Variants in TNNI3K observed in about 807,000 individuals in gnomAD.
The protein encoded by TNNI3K is TNNI3 interacting kinase.
Under a neutral mutation model 114.5 loss-of-function variants are expected in TNNI3K, and 140 were observed. The observed-to-expected ratio is 1.22, with a 90% CI of 1.07 to 1.41. TNNI3K has a LOEUF of 1.41. Among genes scored for constraint, TNNI3K ranks in the 40% most tolerant of loss-of-function variants. The pLI is 0.00. For synonymous variants in TNNI3K, 347 were observed against 347.5 expected, an observed-to-expected ratio of 1.00 and a Z score of 0.02; for missense variants, 1,125 against 1,007.6, an observed-to-expected ratio of 1.12 and a Z score of -1.58.
At chr1:74,503,384 TA>T (rs1481186423) in intron 23 of TNNI3K, among the ~76,000 whole-genome samples, 67 of 152,244 alleles carry the variant, frequency 4.4e-4, no homozygotes, top group Non-Finnish European at 8.8e-5. Context: ...TGAAATATGA[TA>T]TCTATAGAAT....
chr1:74,371,801 A>C (rs947826944), intron 17 of TNNI3K: 1 of 151,738 alleles, frequency 6.6e-6, no homozygotes, highest in South Asian at 2.1e-4. Context: ...TGAAAATCAC[A>C]AATTTGGAGC....
At position 74,464,645 on chromosome 1, in the gene TNNI3K, G is replaced by A. The variant is rs767063440; in HGVS notation, c.2121+1095G>A. 6 of 1,588,714 alleles carry A rather than the reference G, an allele frequency of 3.8e-6. No homozygotes were observed. The East Asian group carries it at 1.1e-4, about 30-fold the overall frequency. On this transcript the variant is annotated intron_variant, in intron 21 of 24. Transcript: ENST00000326637. ...ATTCTTTTCCTAAAGGCAAAATCCA[G>A]ACCAAGTCATTACCCAGTCTCATCT...
intron 17 of TNNI3K, among the ~76,000 whole-genome samples, chr1:74,396,416 A>C (rs1406025039): frequency 2.6e-5 from 4 of 152,244 alleles, no homozygotes; most frequent in African/African-American, 9.6e-5. Context: ...TACTGAGGTT[A>C]GGAATTTTAA....
At chr1:74,390,537 G>A (rs1335791242) in intron 17 of TNNI3K, among the ~76,000 whole-genome samples, 5 of 152,024 alleles carry the variant, frequency 3.3e-5, no homozygotes, top group African/African-American at 9.7e-5. Flanking sequence ...GTATTTTAAC[G>A]TTTCTTTTTT....
chr1:74,250,891 C>A, intron 4 of TNNI3K, 122 bp downstream of exon 4: 1 of 796,440 alleles, frequency 1.3e-6, no homozygotes, highest in Non-Finnish European at 1.8e-6. Flanking sequence ...AGAGGCGTTA[C>A]ATTACTAAAG....
chr1:74,452,961 G>A (rs1345086329), intron 20 of TNNI3K, among the ~76,000 whole-genome samples: 1 of 152,074 alleles, frequency 6.6e-6, no homozygotes, highest in Non-Finnish European at 1.5e-5. Context: ...TTAGGTCTTA[G>A]TCTAAATATA....
chr1:74,475,839 A>G lies in TNNI3K; in HGVS notation c.2121+12289A>G, dbSNP rs1668178605. On this transcript the variant is annotated intron_variant, in intron 21 of 24. Coordinates refer to ENST00000326637, the MANE Select transcript of TNNI3K (RefSeq NM_015978.3). ...TGACAAATAGAGAGACCATTAAAAG[A>G]TAACATCTTGGGAAGAAACACATAA... is the stretch of plus-strand genomic sequence containing the variant. The G allele has an allele frequency of 9.1e-6, 5 of 547,380 alleles. 1 individual carries two copies. The South Asian group carries it at 1.6e-4, about 18-fold the overall frequency. 33.9% of individuals were successfully genotyped at this position (547,380 alleles called of 1,614,324 possible). A position where few individuals can be genotyped will look rare whatever the true frequency, so the allele number is the denominator to read the frequency against.
intron 17 of TNNI3K, among the ~76,000 whole-genome samples, chr1:74,430,440 G>T (rs1471257567): frequency 6.6e-6 from 1 of 151,954 alleles, no homozygotes; most frequent in Non-Finnish European, 1.5e-5. Context: ...GAAAACATAA[G>T]ATTTAAACAC....
At position 74,256,253 on chromosome 1, in the gene TNNI3K, A is replaced by G. The variant is rs927647773; in HGVS notation, c.333+5484A>G. Among the ~76,000 whole-genome samples, 5 of 115,964 alleles carry G rather than the reference A, an allele frequency of 4.3e-5. No homozygotes were observed. The South Asian group carries it at 1.5e-3, about 35-fold the overall frequency. The allele number at this position is 115,964 out of a possible 152,430, so 76.1% of individuals were successfully genotyped here. On this transcript the variant is annotated intron_variant, in intron 4 of 24. Coordinates refer to ENST00000326637, the MANE Select transcript of TNNI3K (RefSeq NM_015978.3). ...AAGGTATGAGAGCTGTAGTTTTTTC[A>G]CATCCTTTCCGGCACTTGGTGTGGT... is the stretch of plus-strand genomic sequence containing the variant.
intron 20 of TNNI3K, among the ~76,000 whole-genome samples, chr1:74,451,691 C>CT (rs1553148035): frequency 0.097 from 3,092 of 32,006 alleles, 70 homozygotes; most frequent in Middle Eastern, 0.15. Context: ...TCTTTTCTTT[C>CT]TTTCTTTCTT....
At chr1:74,276,243 C>G (rs147738463) in intron 5 of TNNI3K, among the ~76,000 whole-genome samples, 4 of 151,800 alleles carry the variant, frequency 2.6e-5, no homozygotes, top group African/African-American at 9.7e-5. Flanking sequence ...TTGGGTTTAA[C>G]GTAAATTTTT....
intron 5 of TNNI3K, among the ~76,000 whole-genome samples, chr1:74,292,694 A>G (rs1473839091): frequency 6.6e-6 from 1 of 151,604 alleles, no homozygotes; most frequent in Non-Finnish European, 1.5e-5. Context: ...TACACAGCTT[A>G]TAGGTACAAA....
chr1:74,536,893 C>T (rs1474204958), intron 23 of TNNI3K, among the ~76,000 whole-genome samples: 1 of 152,116 alleles, frequency 6.6e-6, no homozygotes, highest in East Asian at 1.9e-4. Flanking sequence ...AAATAGAGGT[C>T]CTGATGAATC....
chr1:74,447,399 A>C lies in TNNI3K; in HGVS notation c.2011+7777A>C, dbSNP rs529499310. ...TTTTTCCAGAATCTACAATGAACTC[A>C]AACAAATTTACAAGAAAAAAACAAA... On this transcript the variant is annotated intron_variant, in intron 20 of 24. Transcript: ENST00000326637. 1.5e-4 allele frequency among the ~76,000 whole-genome samples: 23 copies of C among 149,500 alleles called. 1 individual carries two copies. Among genetic ancestry groups the C allele is most frequent in the African/African-American group, 5.9e-4 (23 of 39,034 alleles).
chr1:74,539,980 C>T (rs916563148), intron 23 of TNNI3K, among the ~76,000 whole-genome samples: 3 of 152,156 alleles, frequency 2.0e-5, no homozygotes, highest in Middle Eastern at 3.4e-3. Context: ...AACTGAGGCT[C>T]AGAAAGGATG....
At chr1:74,247,676 G>A (rs1351329457) in intron 2 of TNNI3K, among the ~76,000 whole-genome samples, 1 of 152,060 alleles carries the variant, frequency 6.6e-6, no homozygotes, top group African/African-American at 2.4e-5. Flanking sequence ...AGACATAAAA[G>A]TTCTCCAAGT....
chr1:74,360,839 T>C (rs1661925026), intron 11 of TNNI3K, among the ~76,000 whole-genome samples: 1 of 152,112 alleles, frequency 6.6e-6, no homozygotes, highest in Non-Finnish European at 1.5e-5. Context: ...TGTTTACCAC[T>C]TTATACTGAA....
chr1:74,486,507 CTT>C (rs397940623), intron 21 of TNNI3K, among the ~76,000 whole-genome samples: 10 of 137,044 alleles, frequency 7.3e-5, no homozygotes, highest in Admixed American at 2.9e-4. Flanking sequence ...TTGTTTTTTG[CTT>C]TTTTTTTTTT....
At chr1:74,419,017 A>G (rs1161832651) in intron 17 of TNNI3K, among the ~76,000 whole-genome samples, 1 of 152,048 alleles carries the variant, frequency 6.6e-6, no homozygotes, top group Non-Finnish European at 1.5e-5. Context: ...CAGTCCATCT[A>G]TATTAGTTTC....
Sources: allele counts gnomAD v4.1 joint callset (sites outside exome capture counted in the v4.1 genomes callset), GRCh38; gene constraint gnomAD v4.1.1; transcripts MANE v1.5; gene names NCBI Gene and HGNC (gene_info 2026-07-23, HGNC 2026-07-21).